Variants in PRTFDC1 observed in about 807,000 individuals in gnomAD.
PRTFDC1 encodes phosphoribosyltransferase domain-containing protein 1.
A neutral mutation model predicts 34.6 loss-of-function variants in PRTFDC1; 38 were observed. That is an observed-to-expected ratio of 1.10 (90% CI 0.85 to 1.44). The LOEUF (loss-of-function observed/expected upper bound fraction) is 1.44, where lower values mean the gene tolerates loss of function less well. Ranked by LOEUF, PRTFDC1 falls within the 40% of genes most tolerant of loss-of-function variation. The pLI is 0.00. For synonymous variants in PRTFDC1, 93 were observed against 98.1 expected, an observed-to-expected ratio of 0.95 and a Z score of 0.31; for missense variants, 270 against 283.0, an observed-to-expected ratio of 0.95 and a Z score of 0.33.
chr10:24,931,872 C>A (rs1848977486), intron 3 of PRTFDC1, among the ~76,000 whole-genome samples: 1 of 142,520 alleles, frequency 7.0e-6, no homozygotes, highest in Non-Finnish European at 1.5e-5. Context: ...TTTAAAAGAC[C>A]AATATAAGCC....
intron 3 of PRTFDC1, among the ~76,000 whole-genome samples, chr10:24,877,062 C>T (rs1320480560): frequency 6.6e-6 from 1 of 152,152 alleles, no homozygotes; most frequent in Non-Finnish European, 1.5e-5. Flanking sequence ...AAACCTACTC[C>T]TGAACCTTTC....
chr10:24,940,169 A>G (rs1210597436), intron 2 of PRTFDC1, among the ~76,000 whole-genome samples: 1 of 152,234 alleles, frequency 6.6e-6, no homozygotes, highest in Admixed American at 6.5e-5. Context: ...GTAAGCATAT[A>G]GTTGAACTGA....
chr10:24,862,534 A>G (rs1588575728), intron 4 of PRTFDC1, among the ~76,000 whole-genome samples: 1 of 151,578 alleles, frequency 6.6e-6, no homozygotes. Flanking sequence ...ACCATCACGC[A>G]TGCATAATTT....
chr10:24,938,051 C>T (rs1039352737), intron 2 of PRTFDC1, among the ~76,000 whole-genome samples: 8 of 151,580 alleles, frequency 5.3e-5, no homozygotes, highest in Non-Finnish European at 7.4e-5. Context: ...CGTGGTGAAA[C>T]CCCGTCTCTA....
chr10:24,880,846 T>A (rs1018637443), intron 3 of PRTFDC1, among the ~76,000 whole-genome samples: 7 of 149,184 alleles, frequency 4.7e-5, no homozygotes, highest in African/African-American at 1.8e-4. Context: ...TTTCTTTCTT[T>A]CTTTCTTTCT....
intron 4 of PRTFDC1, among the ~76,000 whole-genome samples, chr10:24,859,391 C>T (rs1352014013): frequency 6.6e-6 from 1 of 152,172 alleles, no homozygotes; most frequent in Non-Finnish European, 1.5e-5. Context: ...TCCCACGTGG[C>T]TGGGATTATA....
intron 4 of PRTFDC1, among the ~76,000 whole-genome samples, chr10:24,863,949 G>A (rs1847729843): frequency 1.3e-5 from 2 of 149,390 alleles, no homozygotes; most frequent in Admixed American, 6.8e-5. Context: ...AGCCTGGGGA[G>A]GTAGAGGCTG....
rs1848167488 is a variant in PRTFDC1, at chr10:24,886,580, T to G, written c.340-14517A>C. On this transcript the variant is annotated intron_variant, in intron 3 of 8. Coordinates refer to ENST00000320152, the MANE Select transcript of PRTFDC1 (RefSeq NM_020200.7). The stretch of plus-strand genomic sequence containing the variant: ...CTTGTGCAGATTGTGATTCTGTATG[T>G]GTGGGGTGGGGCCTAAGAGTCTGTG... Among the ~76,000 whole-genome samples the G allele has an allele frequency of 2.6e-5, 4 of 152,190 alleles. No individual in the cohort carries two copies. In the South Asian group the frequency reaches 8.3e-4, roughly 32 times the overall value.
At chr10:24,869,217 C>CT (rs141753445) in intron 4 of PRTFDC1, among the ~76,000 whole-genome samples, 55 of 145,360 alleles carry the variant, frequency 3.8e-4, no homozygotes, top group South Asian at 6.7e-4. Flanking sequence ...AGGCCTTTAT[C>CT]TTTTTTTTTT....
rs1847431007 is a variant in PRTFDC1 at position 24,848,722 on chromosome 10, T to G, written c.*1122A>C. 6.6e-6 allele frequency: 1 copy of G among 152,216 alleles called. No homozygotes were observed. The highest frequency in any genetic ancestry group is 6.5e-5 in the Admixed American group (1 of 15,268). The allele number at this position is 152,216 out of a possible 1,614,324, so 9.4% of individuals were successfully genotyped here. A position where few individuals can be genotyped will look rare whatever the true frequency, so the allele number is the denominator to read the frequency against. ...CAAACAAAAGCTGCTTAGTTATTTA[T>G]TTTGCATTTGCATTTTGTAGGAAGT... On this transcript the variant is annotated 3_prime_UTR_variant, in exon 9 of 9. Transcript: ENST00000320152.
chr10:24,892,081 T>G (rs980307463), intron 3 of PRTFDC1, among the ~76,000 whole-genome samples: 6 of 152,216 alleles, frequency 3.9e-5, no homozygotes, highest in African/African-American at 1.4e-4. Context: ...GGAGAGCAGG[T>G]ATCCCTTTGA....
At chr10:24,931,897 G>C (rs1848977980) in intron 3 of PRTFDC1, among the ~76,000 whole-genome samples, 1 of 122,428 alleles carries the variant, frequency 8.2e-6, no homozygotes, top group Non-Finnish European at 1.7e-5. Context: ...ACCAGAATCA[G>C]AAAAAGGCAC....
Position 24,937,187 on chromosome 10 carries a change from G to A in PRTFDC1, c.336C>T (p.Tyr112=). 1 of 1,610,578 alleles carries A rather than the reference G, an allele frequency of 6.2e-7. No individual in the cohort carries two copies. The highest frequency in any genetic ancestry group is 8.5e-7 in the Non-Finnish European group (1 of 1,178,290). Residue 112 remains tyrosine, a synonymous_variant, in exon 3 of 9, where the codon TAC becomes TAT. Transcript: ENST00000320152. The stretch of plus-strand genomic sequence containing the variant: ...AGCGGAACTTGTAATAACTTACCCT[G>A]TAACTTTTTAGTCTGATGAAATCAA... ...MKVDFIRLKS[Y]RNDQSMGEMQ...
chr10:24,946,454 A>G (rs1448597567), intron 1 of PRTFDC1, among the ~76,000 whole-genome samples: 2 of 152,196 alleles, frequency 1.3e-5, no homozygotes, highest in Admixed American at 6.5e-5. Flanking sequence ...AAAAAATGAT[A>G]AGAAAATCAC....
At chr10:24,851,879 G>C (rs1190625095) in intron 7 of PRTFDC1, among the ~76,000 whole-genome samples, 1 of 151,882 alleles carries the variant, frequency 6.6e-6, no homozygotes, top group Non-Finnish European at 1.5e-5. Context: ...GCTGCATTAT[G>C]TGAACAGGTG....
At chr10:24,868,793 AC>A (rs534191661) in intron 4 of PRTFDC1, among the ~76,000 whole-genome samples, 627 of 58,500 alleles carry the variant, frequency 0.011, 5 homozygotes, top group African/African-American at 0.035. Context: ...TTTTCCTTTT[AC>A]ATTTTTTTTT....
intron 3 of PRTFDC1, among the ~76,000 whole-genome samples, chr10:24,883,725 G>A (rs1239622058): frequency 6.6e-6 from 1 of 151,140 alleles, no homozygotes; most frequent in East Asian, 2.0e-4. Context: ...TGACACATCT[G>A]AATGACCCCA....
At chr10:24,929,067 AG>A (rs1179489543) in intron 3 of PRTFDC1, among the ~76,000 whole-genome samples, 4,263 of 143,256 alleles carry the variant, frequency 0.03, 441 homozygotes, top group East Asian at 0.13. Context: ...AAAGAAAGAA[AG>A]AAAGAAAGGG....
chr10:24,865,637 A>G (rs909830661), intron 4 of PRTFDC1, among the ~76,000 whole-genome samples: 15 of 152,212 alleles, frequency 9.9e-5, no homozygotes, highest in Non-Finnish European at 1.5e-4. Flanking sequence ...AAAAAGAAAA[A>G]GAAAGGAAGA....
Sources: allele counts gnomAD v4.1 joint callset (sites outside exome capture counted in the v4.1 genomes callset), GRCh38; gene constraint gnomAD v4.1.1; transcripts MANE v1.5; gene names NCBI Gene and HGNC (gene_info 2026-07-23, HGNC 2026-07-21).